Variants in MGLL observed in about 807,000 individuals in gnomAD.
The protein encoded by MGLL is lysophospholipase homolog.
MGLL carries 7 observed loss-of-function variants against 29.1 expected under a neutral mutation model. The ratio of observed to expected loss-of-function variants is 0.24; its 90% CI spans 0.14 to 0.45. The LOEUF is 0.45. Ranked by LOEUF, MGLL falls within the 20% of genes least tolerant of loss-of-function variation. The probability of loss-of-function intolerance (pLI) is 0.99; values close to 1 mark genes in which losing one functional copy is unlikely to be tolerated. For missense variants in MGLL, 356 were observed against 413.6 expected (o/e 0.86, Z 1.21); for synonymous variants, 148 against 168.3 (o/e 0.88, Z 0.93).
At chr3:127,717,692 C>G (rs1025526110) in intron 5 of MGLL, among the ~76,000 whole-genome samples, 3 of 152,184 alleles carry the variant, frequency 2.0e-5, no homozygotes, top group African/African-American at 7.2e-5. Flanking sequence ...GCTGAGACCC[C>G]CATCCCTCAA....
Position 127,702,394 on chromosome 3 carries a change from C to T in MGLL, c.601-7204G>A, listed in dbSNP as rs1179124049. Among the ~76,000 whole-genome samples the T allele has an allele frequency of 2.0e-5, 3 of 152,218 alleles. 1 individual carries two copies. Among genetic ancestry groups the T allele is most frequent in the Non-Finnish European group, 4.4e-5 (3 of 68,032 alleles). ...GCTCGATAGACCCAAGCAAGCCCTG[C>T]CTACCAGGAGGCCTGAGTCCCCACA... On this transcript the variant is annotated intron_variant, in intron 6 of 7. Coordinates refer to ENST00000265052, the MANE Select transcript of MGLL (RefSeq NM_007283.7).
At chr3:127,753,607 T>G (rs1378050900) in intron 3 of MGLL, among the ~76,000 whole-genome samples, 4 of 152,244 alleles carry the variant, frequency 2.6e-5, no homozygotes, top group Admixed American at 6.5e-5. Context: ...CTCCTGGGCC[T>G]GAGCTTTGTC....
At chr3:127,697,523 A>G (rs1441447890) in intron 6 of MGLL, among the ~76,000 whole-genome samples, 1 of 152,182 alleles carries the variant, frequency 6.6e-6, no homozygotes, top group Non-Finnish European at 1.5e-5. Context: ...AGTTGCCCCA[A>G]TTCTTGTTCT....
At chr3:127,755,358 T>G (rs1316108377) in intron 3 of MGLL, among the ~76,000 whole-genome samples, 1 of 152,180 alleles carries the variant, frequency 6.6e-6, no homozygotes, top group Non-Finnish European at 1.5e-5. Flanking sequence ...AAGGATAGCA[T>G]GCCTCTCCCA....
intron 5 of MGLL, among the ~76,000 whole-genome samples, chr3:127,718,233 G>C (rs2075853416): frequency 6.6e-6 from 1 of 151,994 alleles, no homozygotes; most frequent in African/African-American, 2.4e-5. Context: ...CTTACTAACT[G>C]GGGGAGTTGC....
At chr3:127,762,046 A>C (rs114498750) in intron 3 of MGLL, among the ~76,000 whole-genome samples, 2,313 of 152,258 alleles carry the variant, frequency 0.015, 51 homozygotes, top group African/African-American at 0.053. Context: ...CTCTCCTGTA[A>C]AATGAAAATG....
Position 127,692,220 on chromosome 3 carries a change from G to C in MGLL, c.920C>G (p.Ala307Gly). 1 of 1,612,160 alleles carries C rather than the reference G, an allele frequency of 6.2e-7. No individual in the cohort carries two copies. Among genetic ancestry groups the C allele is most frequent in the South Asian group, 1.1e-5 (1 of 91,038 alleles). ...CATTCAGGGTGGGGACGCAGTTCCT[G>C]CCGTGGCTGTCCTTTGAGAGACCCA... ...NMWVSQRTATAGTASPP is the reference protein window; with the variant it reads ...NMWVSQRTATGGTASPP Residue 307 changes from alanine (A) to glycine (G), a missense_variant, in exon 8 of 8, where the codon GCA becomes GGA. Transcript: ENST00000265052.
At chr3:127,740,206 G>A (rs867717100) in intron 3 of MGLL, among the ~76,000 whole-genome samples, 13 of 152,204 alleles carry the variant, frequency 8.5e-5, no homozygotes, top group Non-Finnish European at 1.8e-4. Flanking sequence ...CGCCTTCACT[G>A]TCCGAAGTCA....
At chr3:127,755,008 G>T (rs949723488) in intron 3 of MGLL, among the ~76,000 whole-genome samples, 2 of 152,102 alleles carry the variant, frequency 1.3e-5, no homozygotes, top group African/African-American at 2.4e-5. Flanking sequence ...GATGGTGGGG[G>T]TGTTTTATGT....
At position 127,692,105 on chromosome 3, in the gene MGLL, TTTTTTTTTTTG is replaced by T; in HGVS notation, c.*82_*92del. On this transcript the variant is annotated 3_prime_UTR_variant, in exon 8 of 8. Transcript: ENST00000265052. ...TTCTCCAATTTCTGATTTTTTTTTT[TTTTTTTTTTTG>T]GCAAGCCATATCTGAGAAGCCATCT... 5.5e-6 allele frequency: 5 copies of T among 913,736 alleles called. No individual in the cohort carries two copies. Among genetic ancestry groups the T allele is most frequent in the Non-Finnish European group, 7.6e-6 (5 of 660,934 alleles). 56.6% of individuals were successfully genotyped at this position (913,736 alleles called of 1,614,324 possible).
intron 2 of MGLL, among the ~76,000 whole-genome samples, chr3:127,807,750 C>CCT (rs2077591904): frequency 1.7e-5 from 1 of 59,464 alleles, no homozygotes; most frequent in African/African-American, 7.0e-5. Flanking sequence ...TGTGAAAAGT[C>CCT]TTTTTTTTTT....
intron 2 of MGLL, among the ~76,000 whole-genome samples, chr3:127,788,771 G>A (rs866587191): frequency 3.9e-5 from 6 of 152,210 alleles, no homozygotes; most frequent in African/African-American, 1.2e-4. Context: ...TCATCAGGGC[G>A]TGTAGGCCCT....
intron 5 of MGLL, among the ~76,000 whole-genome samples, chr3:127,720,265 C>T (rs1377627395): frequency 6.6e-6 from 1 of 152,224 alleles, no homozygotes. Context: ...CTGCCCAGCA[C>T]TGGGGTGAGA....
At chr3:127,789,060 G>T (rs900549524) in intron 2 of MGLL, among the ~76,000 whole-genome samples, 7 of 152,106 alleles carry the variant, frequency 4.6e-5, no homozygotes, top group Admixed American at 1.3e-4. Context: ...GCTGAACCTG[G>T]TTATCCAAAC....
At chr3:127,696,218 C>T (rs1295073686) in intron 6 of MGLL, among the ~76,000 whole-genome samples, 5 of 152,150 alleles carry the variant, frequency 3.3e-5, no homozygotes, top group Admixed American at 2.0e-4. Flanking sequence ...GGGCTGCTCT[C>T]TCCCCTGTCC....
chr3:127,777,675 G>A (rs1161347306), intron 3 of MGLL, among the ~76,000 whole-genome samples: 6 of 125,642 alleles, frequency 4.8e-5, no homozygotes, highest in African/African-American at 1.6e-4. Context: ...GGCACTGATG[G>A]TGCCATGGAG....
At chr3:127,695,499 CG>C (rs1486396372) in intron 6 of MGLL, among the ~76,000 whole-genome samples, 3 of 152,288 alleles carry the variant, frequency 2.0e-5, no homozygotes, top group African/African-American at 7.2e-5. Context: ...CTGAGGCGGG[CG>C]GATCACCTGA....
In MGLL at chr3:127,721,104, T is replaced by C. The variant is rs766661739; in HGVS notation, c.459A>G (p.Val153=). 1.6e-5 allele frequency: 26 copies of C among 1,614,070 alleles called. No individual in the cohort carries two copies. In the Admixed American group the frequency reaches 3.0e-4, roughly 19 times the overall value. The change falls in exon 5 of 8, where the codon GTA becomes GTG. Residue 153 remains valine, a synonymous_variant. Coordinates refer to ENST00000265052, the MANE Select transcript of MGLL (RefSeq NM_007283.7). The part of the protein sequence containing the change: ...AERPGHFAGM[V]LISPLVLANP... ...TGGCAAGAACCAGAGGCGAAATGAG[T>C]ACCATGCCGGCGAAGTGGCCCGGCC...
intron 3 of MGLL, among the ~76,000 whole-genome samples, chr3:127,773,222 G>A (rs2076977868): frequency 6.6e-6 from 1 of 152,252 alleles, no homozygotes; most frequent in South Asian, 2.1e-4. Flanking sequence ...CTGCTGCTTA[G>A]AGGCCAGGGT....
Sources: gnomAD v4.1 joint callset for allele counts (sites outside exome capture counted in the v4.1 genomes callset) on GRCh38, gnomAD v4.1.1 for gene constraint, MANE v1.5 for transcripts, NCBI Gene and HGNC (gene_info 2026-07-23, HGNC 2026-07-21) for gene names.